The following FAM78A variants were observed in gnomAD, a reference collection of about 807,000 sequenced individuals.
FAM78A encodes protein FAM78A.
FAM78A carries 12 observed loss-of-function variants against 22.6 expected under a neutral mutation model. The observed-to-expected ratio is 0.53, with a 90% CI of 0.34 to 0.86. The LOEUF (loss-of-function observed/expected upper bound fraction) is 0.86, where lower values mean the gene tolerates loss of function less well. Ranked by LOEUF, FAM78A falls within the 40% of genes least tolerant of loss-of-function variation. FAM78A has a pLI of 0.02. For synonymous variants in FAM78A, 151 were observed against 155.8 expected, an observed-to-expected ratio of 0.97 and a Z score of 0.23; for missense variants, 322 against 396.1, an observed-to-expected ratio of 0.81 and a Z score of 1.59.
At chr9:131,269,483 ATT>A (rs111550579) in intron 1 of FAM78A, among the ~76,000 whole-genome samples, 2 of 142,448 alleles carry the variant, frequency 1.4e-5, no homozygotes, top group Admixed American at 7.0e-5. Context: ...TCACGTGTGC[ATT>A]TTTTTTTTTT....
At chr9:131,262,854 G>A (rs1392859425) in intron 1 of FAM78A, 2 of 152,108 alleles carry the variant, frequency 1.3e-5, no homozygotes. Context: ...AATTCATAGA[G>A]ACAGAAAGTA....
rs547641414 is a variant in FAM78A, at chr9:131,276,354, CTCT to C, written c.-178_-176del. 59 of 548,530 alleles carry C rather than the reference CTCT, an allele frequency of 1.1e-4. No homozygotes were observed. The highest frequency in any genetic ancestry group is 8.6e-4 in the South Asian group (30 of 35,086). 34.0% of individuals were successfully genotyped at this position (548,530 alleles called of 1,614,324 possible). ...CTGCATTTCATGAGCCCTGGGCTCT[CTCT>C]TCTTCTCCTCGCAGTGGACAAAAAT... On this transcript the variant is annotated 5_prime_UTR_variant, in exon 1 of 2. Transcript: ENST00000372271. This position sits in a 1 kb window ranked among gnomAD's most constrained non-coding sequence, Gnocchi z 4.3.
upstream of FAM78A, chr9:131,276,565 C>T (rs140851297): frequency 4.9e-3 from 781 of 159,608 alleles, 12 homozygotes; most frequent in African/African-American, 0.018. This position sits in a 1 kb window ranked among gnomAD's most constrained non-coding sequence, Gnocchi z 4.3. Context: ...CCCCGCGCGG[C>T]CGCGCCACCC....
rs957493295 is a variant in FAM78A at position 131,272,218 on chromosome 9, G to A, written c.323+3639C>T. ...GAATGAAAGCCCTAACCTAGCTCTC[G>A]CTACCTAGCTGTCCCTTCCCCGGGC... is the stretch of plus-strand genomic sequence containing the variant. On this transcript the variant is annotated intron_variant, in intron 1 of 1. Coordinates refer to ENST00000372271, the MANE Select transcript of FAM78A (RefSeq NM_033387.4). The surrounding 1 kb of genome is among the most constrained non-coding windows in gnomAD (Gnocchi z 4.1). Among the ~76,000 whole-genome samples the A allele has an allele frequency of 2.0e-5, 3 of 152,166 alleles. No individual in the cohort carries two copies. The highest frequency in any genetic ancestry group is 2.9e-5 in the Non-Finnish European group (2 of 68,024).
rs1285377732 is a variant in FAM78A at position 131,261,137 on chromosome 9, C to T, written c.537G>A (p.Lys179=). ...TCTGGTCCCGGTAGATATTGGTGAG[C>T]TTGGCCACGTTGCTCTCGCTGACGG... ...AVPVSESNVA[K]LTNIYRDQSF... Residue 179 remains lysine (K), a synonymous_variant, in exon 2 of 2, where the codon AAG becomes AAA. Coordinates refer to ENST00000372271, the MANE Select transcript of FAM78A (RefSeq NM_033387.4). The surrounding 1 kb of genome is among the most constrained non-coding windows in gnomAD (Gnocchi z 7.1). 1.4e-5 allele frequency: 22 copies of T among 1,614,010 alleles called. No individual in the cohort carries two copies. Among genetic ancestry groups the T allele is most frequent in the Non-Finnish European group, 1.8e-5 (21 of 1,179,992 alleles).
At chr9:131,280,568 G>A (rs1057046463), upstream of FAM78A, among the ~76,000 whole-genome samples, 5 of 152,170 alleles carry the variant, frequency 3.3e-5, no homozygotes, top group Non-Finnish European at 5.9e-5. Context: ...GGGAGACACG[G>A]CCCCATCCCC....
intron 1 of FAM78A, among the ~76,000 whole-genome samples, chr9:131,269,767 G>A (rs930257685): frequency 1.7e-4 from 26 of 151,974 alleles, no homozygotes; most frequent in African/African-American, 4.1e-4. Flanking sequence ...GTGAGCCACC[G>A]GGCCCAGCCC....
rs772003150 is a variant in FAM78A, at chr9:131,275,907, G to A, written c.273C>T (p.Ile91=). Residue 91 remains isoleucine, a synonymous_variant, in exon 1 of 2, where the codon ATC becomes ATT. Coordinates refer to ENST00000372271, the MANE Select transcript of FAM78A (RefSeq NM_033387.4). This position sits in a 1 kb window ranked among gnomAD's most constrained non-coding sequence, Gnocchi z 4.6. ...AGAACTCCATGTGGCTGCACGCCTG[G>A]ATCCAGCCAACTACCCAAGTCTCCT... ...PKKETWVVGW[I]QACSHMEFYN... 1.3e-5 allele frequency: 21 copies of A among 1,612,206 alleles called. No individual in the cohort carries two copies. The highest frequency in any genetic ancestry group is 1.5e-5 in the Non-Finnish European group (18 of 1,179,176).
In FAM78A at chr9:131,270,037, T is replaced by TAAAAA. The variant is rs1008374603; in HGVS notation, c.323+5815_323+5819dup. 1.4e-3 allele frequency among the ~76,000 whole-genome samples: 117 copies of TAAAAA among 85,118 alleles called. 1 individual carries two copies. Among genetic ancestry groups the TAAAAA allele is most frequent in the African/African-American group, 1.7e-3 (34 of 20,106 alleles). 55.8% of individuals were successfully genotyped at this position (85,118 alleles called of 152,430 possible). Reference sequence around the variant, plus strand: ...TGGTGAAACCCCATCCCTACTAAAATAAAAAAAAAAAAAAAAAAAAAAGCC... The same window carrying TAAAAA: ...TGGTGAAACCCCATCCCTACTAAAATAAAAAAAAAAAAAAAAAAAAAAAAAAAGCC... On this transcript the variant is annotated intron_variant, in intron 1 of 1. Coordinates refer to ENST00000372271, the MANE Select transcript of FAM78A (RefSeq NM_033387.4).
Position 131,261,490 on chromosome 9 carries a change from G to T in FAM78A, c.324-140C>A. 1 of 705,186 alleles carries T rather than the reference G, an allele frequency of 1.4e-6. No homozygotes were observed. Among genetic ancestry groups the T allele is most frequent in the Non-Finnish European group, 2.3e-6 (1 of 439,030 alleles). The allele number at this position is 705,186 out of a possible 1,614,324, so 43.7% of individuals were successfully genotyped here. On this transcript the variant is annotated intron_variant, in intron 1 of 1. Coordinates refer to ENST00000372271, the MANE Select transcript of FAM78A (RefSeq NM_033387.4). This position sits in a 1 kb window ranked among gnomAD's most constrained non-coding sequence, Gnocchi z 7.1. ...CACCCGGTCCCCTTTGACGTTCTGG[G>T]GGCAGGGGGTCAGACAGTAGCTCGG...
At chr9:131,279,004 G>A (rs532976884), upstream of FAM78A, among the ~76,000 whole-genome samples, 20 of 152,358 alleles carry the variant, frequency 1.3e-4, no homozygotes, top group Admixed American at 9.1e-4. Context: ...CAGCAGCACC[G>A]GCTCAGCCAT....
chr9:131,280,609 C>T (rs114005049), upstream of FAM78A, among the ~76,000 whole-genome samples: 574 of 152,274 alleles, frequency 3.8e-3, 7 homozygotes, highest in African/African-American at 0.013. Context: ...GGGATGGCCA[C>T]TTGGGAGCTC....
At chr9:131,276,717 C>A (rs904345285), upstream of FAM78A, among the ~76,000 whole-genome samples, 1 of 151,838 alleles carries the variant, frequency 6.6e-6, no homozygotes, top group South Asian at 2.1e-4. The surrounding 1 kb of genome is among the most constrained non-coding windows in gnomAD (Gnocchi z 4.3). Context: ...GCCCTCGGGG[C>A]GAGCGCCGAC....
rs1281919331 is a variant in FAM78A at position 131,275,122 on chromosome 9, C to T, written c.323+735G>A. Among the ~76,000 whole-genome samples, 3 of 152,190 alleles carry T rather than the reference C, an allele frequency of 2.0e-5. No individual in the cohort carries two copies. The highest frequency in any genetic ancestry group is 4.4e-5 in the Non-Finnish European group (3 of 68,032). ...CAGGGTCCCAGGGTCCTCACCGGGACCCCCAATACCCTAGGCACACTCTGG... is the reference window on the plus strand; with the variant it reads ...CAGGGTCCCAGGGTCCTCACCGGGATCCCCAATACCCTAGGCACACTCTGG... On this transcript the variant is annotated intron_variant, in intron 1 of 1. Coordinates refer to ENST00000372271, the MANE Select transcript of FAM78A (RefSeq NM_033387.4). The surrounding 1 kb of genome is among the most constrained non-coding windows in gnomAD (Gnocchi z 4.6).
intron 1 of FAM78A, among the ~76,000 whole-genome samples, chr9:131,270,032 T>TTAAAAAAAAAAA (rs1835396769): frequency 1.5e-4 from 5 of 34,126 alleles, no homozygotes; most frequent in African/African-American, 4.7e-4. Flanking sequence ...CCATCCCTAC[T>TTAAAAAAAAAAA]AAAATAAAAA....
chr9:131,280,201 G>A (rs1431646249), upstream of FAM78A, among the ~76,000 whole-genome samples: 2 of 152,136 alleles, frequency 1.3e-5, no homozygotes, highest in Non-Finnish European at 2.9e-5. Flanking sequence ...GAATGGGCTC[G>A]GCTCCTGCAT....
chr9:131,258,144 G>T lies in FAM78A; in HGVS notation c.*2678C>A, dbSNP rs185686983. On this transcript the variant is annotated 3_prime_UTR_variant, in exon 2 of 2. Transcript: ENST00000372271. The stretch of plus-strand genomic sequence containing the variant: ...TTTTTGTTTTTTGTAAAAAAAAAAA[G>T]GTTCATTGTACATCTTCTTCAAGAG... The T allele has an allele frequency of 1.5e-5, 2 of 132,946 alleles. No individual in the cohort carries two copies. Among genetic ancestry groups the T allele is most frequent in the East Asian group, 2.3e-4 (1 of 4,322 alleles). The allele number at this position is 132,946 out of a possible 1,614,324, so 8.2% of individuals were successfully genotyped here.
chr9:131,277,135 G>C (rs891601012), upstream of FAM78A, among the ~76,000 whole-genome samples: 13 of 151,012 alleles, frequency 8.6e-5, no homozygotes, highest in Admixed American at 3.9e-4. The surrounding 1 kb of genome is among the most constrained non-coding windows in gnomAD (Gnocchi z 8.4). Context: ...AGTGGCGGCC[G>C]CACGACCGCG....
rs895355130 is a variant in FAM78A, at chr9:131,275,175, A to AGG, written c.323+680_323+681dup. Reference sequence around the variant, plus strand: ...ACCGGGCTTTGGGGCTGCAGAGGAGAGGCTCCTCTTTGCTGTTCCTGTTAG... The same window carrying AGG: ...ACCGGGCTTTGGGGCTGCAGAGGAGAGGGGCTCCTCTTTGCTGTTCCTGTTAG... On this transcript the variant is annotated intron_variant, in intron 1 of 1. Transcript: ENST00000372271. The surrounding 1 kb of genome is among the most constrained non-coding windows in gnomAD (Gnocchi z 4.6). Among the ~76,000 whole-genome samples, 10 of 152,216 alleles carry AGG rather than the reference A, an allele frequency of 6.6e-5. No individual in the cohort carries two copies. The highest frequency in any genetic ancestry group is 2.4e-4 in the African/African-American group (10 of 41,528).
Sources: gnomAD v4.1 joint callset for allele counts (sites outside exome capture counted in the v4.1 genomes callset) on GRCh38, gnomAD v4.1.1 for gene constraint, Gnocchi (gnomAD v3.1) non-coding constraint, MANE v1.5 for transcripts, NCBI Gene and HGNC (gene_info 2026-07-23, HGNC 2026-07-21) for gene names.